The following EXT1 variants were observed in gnomAD, a reference collection of about 807,000 sequenced individuals.
EXT1 encodes exostosin glycosyltransferase 1.
A neutral mutation model predicts 82.5 loss-of-function variants in EXT1; 20 were observed. That is an observed-to-expected ratio of 0.24 (90% CI 0.17 to 0.35). The LOEUF is 0.35. Ranked by LOEUF, EXT1 falls within the 10% of genes least tolerant of loss-of-function variation. The pLI, the probability that EXT1 is intolerant of heterozygous loss-of-function variation, is 1.00. For synonymous variants in EXT1, 348 were observed against 350.8 expected (o/e 0.99, Z 0.09); for missense variants, 757 against 936.5 (o/e 0.81, Z 2.50).
rs200768162 is a variant in EXT1, at chr8:118,108,010, T to TG, written c.962+2074dup. 7.8e-3 allele frequency among the ~76,000 whole-genome samples: 1,182 copies of TG among 152,332 alleles called. 18 individuals are homozygous for TG. The highest frequency in any genetic ancestry group is 0.026 in the African/African-American group (1,098 of 41,574). ...ACCCAATCCTGAGGTCCTGACCCCT[T>TG]GTGGTCTTTAAACATAAACCAAAGT... On this transcript the variant is annotated intron_variant, in intron 1 of 10. Transcript: ENST00000378204.
At chr8:118,065,636 GA>G in intron 1 of EXT1, among the ~76,000 whole-genome samples, 1 of 152,204 alleles carries the variant, frequency 6.6e-6, no homozygotes, top group Middle Eastern at 3.4e-3. Context: ...GGGCATTCAG[GA>G]AAAAAATTCT....
At chr8:118,026,181 G>A (rs890490689) in intron 1 of EXT1, among the ~76,000 whole-genome samples, 6 of 152,038 alleles carry the variant, frequency 3.9e-5, no homozygotes, top group African/African-American at 1.4e-4. Context: ...GGAACCACAC[G>A]GCACCTACTG....
At chr8:117,875,466 A>G (rs1812953693) in intron 1 of EXT1, among the ~76,000 whole-genome samples, 1 of 143,464 alleles carries the variant, frequency 7.0e-6, no homozygotes, top group Non-Finnish European at 1.5e-5. Context: ...ATAAATAAAT[A>G]AAATAATAAA....
intron 1 of EXT1, among the ~76,000 whole-genome samples, chr8:117,853,462 G>A (rs773488073): frequency 6.6e-6 from 1 of 152,094 alleles, no homozygotes; most frequent in Non-Finnish European, 1.5e-5. Context: ...GGAGAATCAC[G>A]TGTCTGGATG....
At chr8:117,861,457 G>A (rs1812682973) in intron 1 of EXT1, among the ~76,000 whole-genome samples, 1 of 150,948 alleles carries the variant, frequency 6.6e-6, no homozygotes. Context: ...AGGAGAGCAT[G>A]GAAATGCCAT....
intron 1 of EXT1, among the ~76,000 whole-genome samples, chr8:118,093,306 T>C (rs1586269415): frequency 7.4e-6 from 1 of 135,482 alleles, no homozygotes; most frequent in Non-Finnish European, 1.6e-5. Context: ...GAAATTTGAA[T>C]ACATGTTCCA....
At chr8:117,922,113 C>G (rs1813868169) in intron 1 of EXT1, among the ~76,000 whole-genome samples, 1 of 152,096 alleles carries the variant, frequency 6.6e-6, no homozygotes, top group Non-Finnish European at 1.5e-5. Context: ...GAGGTGGCCC[C>G]TTTTGCTTGA....
rs1823104001 is a variant in EXT1 at position 117,797,556 on chromosome 8, T to C, written c.*2156A>G. 1 of 152,212 alleles carries C rather than the reference T, an allele frequency of 6.6e-6. No individual in the cohort carries two copies. Among genetic ancestry groups the C allele is most frequent in the Non-Finnish European group, 1.5e-5 (1 of 68,040 alleles). 9.4% of individuals were successfully genotyped at this position (152,212 alleles called of 1,614,324 possible). ...TGGGGTCATTGAACAAAATATCGCA[T>C]TTATTTTTTGGTAAAGGAGAAACAA... On this transcript the variant is annotated 3_prime_UTR_variant, in exon 11 of 11. Transcript: ENST00000378204.
intron 1 of EXT1, among the ~76,000 whole-genome samples, chr8:117,856,267 T>G (rs7827940): frequency 0.058 from 7,751 of 133,374 alleles, 593 homozygotes; most frequent in African/African-American, 0.2. Context: ...TTTTTTTTTT[T>G]GTGGGGGGAC....
At chr8:118,010,839 C>A (rs1815884918) in intron 1 of EXT1, among the ~76,000 whole-genome samples, 1 of 152,218 alleles carries the variant, frequency 6.6e-6, no homozygotes, top group African/African-American at 2.4e-5. Context: ...CACCTTCTCC[C>A]CTTGCTAGAA....
At position 117,822,451 on chromosome 8, in the gene EXT1, G is replaced by A; in HGVS notation, c.1417+14C>T. On this transcript the variant is annotated intron_variant, in intron 5 of 10. Transcript: ENST00000378204. ...GGGTAAACAAGGGCAACTCCCTGGA[G>A]GAAATTCACTTACCTAAATTAGCAT... 6.2e-7 allele frequency: 1 copy of A among 1,612,374 alleles called. No homozygotes were observed. Among genetic ancestry groups the A allele is most frequent in the South Asian group, 1.1e-5 (1 of 91,062 alleles).
At chr8:117,818,795 T>C (rs1156477685) in intron 6 of EXT1, among the ~76,000 whole-genome samples, 1 of 152,126 alleles carries the variant, frequency 6.6e-6, no homozygotes, top group Non-Finnish European at 1.5e-5. Context: ...TGTCCGGGAA[T>C]AGGGGAAAGC....
At chr8:117,819,098 T>C (rs1046867751) in intron 6 of EXT1, among the ~76,000 whole-genome samples, 5 of 152,256 alleles carry the variant, frequency 3.3e-5, no homozygotes, top group African/African-American at 2.4e-5. Flanking sequence ...TACTTCCTTA[T>C]TGAATTCTTT....
chr8:118,100,887 C>T (rs559915742), intron 1 of EXT1, among the ~76,000 whole-genome samples: 51 of 152,274 alleles, frequency 3.3e-4, no homozygotes, highest in South Asian at 2.1e-3. Context: ...CCCTACCCCA[C>T]ACACATGCAA....
At chr8:117,896,583 T>C (rs555496358) in intron 1 of EXT1, among the ~76,000 whole-genome samples, 5 of 152,314 alleles carry the variant, frequency 3.3e-5, no homozygotes, top group Non-Finnish European at 7.4e-5. Flanking sequence ...CGAGCCATCA[T>C]CCAGATTAAA....
At chr8:117,859,204 C>T (rs1299600433) in intron 1 of EXT1, among the ~76,000 whole-genome samples, 3 of 152,058 alleles carry the variant, frequency 2.0e-5, no homozygotes, top group African/African-American at 4.8e-5. Context: ...GTTTTATTTT[C>T]GTGGTCTGGA....
In EXT1 at chr8:117,826,112, G is replaced by A. The variant is rs574531743; in HGVS notation, c.1285-3515C>T. 2.0e-5 allele frequency among the ~76,000 whole-genome samples: 3 copies of A among 152,302 alleles called. No individual in the cohort carries two copies. In the South Asian group the frequency reaches 6.2e-4, roughly 32 times the overall value. ...AAAGTACTGAGCTCTACAGAGCCTAGTTTGATTAAATAGCTCCTTATTACC... is the reference window on the plus strand; with the variant it reads ...AAAGTACTGAGCTCTACAGAGCCTAATTTGATTAAATAGCTCCTTATTACC... On this transcript the variant is annotated intron_variant, in intron 4 of 10. Transcript: ENST00000378204.
intron 1 of EXT1, among the ~76,000 whole-genome samples, chr8:118,062,191 C>G (rs569317181): frequency 6.6e-6 from 1 of 152,306 alleles, no homozygotes; most frequent in East Asian, 1.9e-4. Context: ...AGTCCTTCCC[C>G]GTTGACACAA....
At chr8:117,915,764 G>A (rs756738043) in intron 1 of EXT1, among the ~76,000 whole-genome samples, 7 of 152,152 alleles carry the variant, frequency 4.6e-5, no homozygotes, top group African/African-American at 1.2e-4. Context: ...GCTGAGGCAC[G>A]AGACTCTCTT....
Sources: gnomAD v4.1 joint callset for allele counts (sites outside exome capture counted in the v4.1 genomes callset) on GRCh38, gnomAD v4.1.1 for gene constraint, MANE v1.5 for transcripts, NCBI Gene and HGNC (gene_info 2026-07-23, HGNC 2026-07-21) for gene names.